Variants in CDH4 observed in about 807,000 individuals in gnomAD.
CDH4 encodes the protein cadherin 4, also known as cadherin-4.
In CDH4, 33 loss-of-function variants were observed where a neutral mutation model predicts 86.0. The ratio of observed to expected loss-of-function variants is 0.38; its 90% CI spans 0.29 to 0.51. The LOEUF (loss-of-function observed/expected upper bound fraction) is 0.51, where lower values mean the gene tolerates loss of function less well. Among genes scored for constraint, CDH4 ranks in the 20% least tolerant of loss-of-function variants. The pLI is 0.86. For synonymous variants in CDH4, 555 were observed against 549.4 expected (o/e 1.01, Z -0.14); for missense variants, 1,114 against 1,307.4 (o/e 0.85, Z 2.28).
chr20:61,565,332 TGGTGGTAGTGGTCCTCTTGGTGATGG>T (rs1422482491), intron 2 of CDH4, among the ~76,000 whole-genome samples: 3 of 66,668 alleles, frequency 4.5e-5, no homozygotes, highest in Non-Finnish European at 7.2e-5. Context: ...CTCTTGGTGA[TGGTGGTAGTGGTCCTCTTGGTGATGG>T]GGTGATGGTG....
intron 7 of CDH4, among the ~76,000 whole-genome samples, chr20:61,880,525 C>T (rs1339108850): frequency 6.6e-6 from 1 of 152,180 alleles, no homozygotes; most frequent in Non-Finnish European, 1.5e-5. Flanking sequence ...AGAAGGTGGA[C>T]CCAGCCAAGG....
At chr20:61,268,552 G>C (rs74489260) in intron 2 of CDH4, among the ~76,000 whole-genome samples, 1 of 152,212 alleles carries the variant, frequency 6.6e-6, no homozygotes, top group Non-Finnish European at 1.5e-5. Flanking sequence ...CAAATCTCTT[G>C]TTGAAATGTG....
intron 2 of CDH4, among the ~76,000 whole-genome samples, chr20:61,259,859 A>G (rs1807911699): frequency 6.6e-6 from 1 of 152,192 alleles, no homozygotes; most frequent in African/African-American, 2.4e-5. Context: ...TCTTGATAAC[A>G]AGGAACAAAC....
chr20:61,931,630 T>C (rs1179308501), intron 13 of CDH4, among the ~76,000 whole-genome samples: 1 of 152,136 alleles, frequency 6.6e-6, no homozygotes, highest in African/African-American at 2.4e-5. Flanking sequence ...GAGGATGCAG[T>C]GGAGTGGTTT....
intron 2 of CDH4, among the ~76,000 whole-genome samples, chr20:61,701,910 A>T (rs2087780593): frequency 6.6e-6 from 1 of 152,222 alleles, no homozygotes. Flanking sequence ...TCACAGAAGC[A>T]TGGGTGTGAC....
At chr20:61,864,532 G>A (rs368615336) in intron 6 of CDH4, among the ~76,000 whole-genome samples, 39 of 152,310 alleles carry the variant, frequency 2.6e-4, no homozygotes, top group African/African-American at 9.1e-4. Flanking sequence ...CAGAGACCAC[G>A]TCTGCTGATC....
At chr20:61,452,442 A>G (rs1430176226) in intron 2 of CDH4, among the ~76,000 whole-genome samples, 1 of 151,992 alleles carries the variant, frequency 6.6e-6, no homozygotes, top group Non-Finnish European at 1.5e-5. Context: ...AAGCGTTCAG[A>G]CTCTGCAGAA....
At chr20:61,687,983 T>C (rs765591167) in intron 2 of CDH4, among the ~76,000 whole-genome samples, 8 of 152,090 alleles carry the variant, frequency 5.3e-5, no homozygotes, top group Non-Finnish European at 7.3e-5. Flanking sequence ...ACTTAGATAT[T>C]ATTATGACTT....
At chr20:61,414,271 G>A (rs1405939821) in intron 2 of CDH4, among the ~76,000 whole-genome samples, 1 of 152,272 alleles carries the variant, frequency 6.6e-6, no homozygotes, top group African/African-American at 2.4e-5. Flanking sequence ...TCTCACTGGA[G>A]TGGGCAGGGC....
At chr20:61,307,085 G>C (rs971101139) in intron 2 of CDH4, among the ~76,000 whole-genome samples, 1 of 149,804 alleles carries the variant, frequency 6.7e-6, no homozygotes, top group Non-Finnish European at 1.5e-5. Flanking sequence ...CCGAGAGACA[G>C]AGCAGCGGCT....
At chr20:61,911,278 C>T (rs1321164) in intron 9 of CDH4, among the ~76,000 whole-genome samples, 141,248 of 152,326 alleles carry the variant, frequency 0.93, 65,634 homozygotes, top group East Asian at 1. Context: ...CAGATATGTT[C>T]TTCTAGAAAA....
At chr20:61,900,312 C>T (rs1176991879) in intron 8 of CDH4, among the ~76,000 whole-genome samples, 4 of 151,494 alleles carry the variant, frequency 2.6e-5, no homozygotes, top group African/African-American at 4.8e-5. Context: ...CCCTTAATTA[C>T]GCTTGGGTGC....
intron 2 of CDH4, among the ~76,000 whole-genome samples, chr20:61,667,895 G>A (rs1263648251): frequency 6.6e-6 from 1 of 152,164 alleles, no homozygotes; most frequent in African/African-American, 2.4e-5. Flanking sequence ...CAAGGCGGAG[G>A]GACCCCACCA....
chr20:61,483,240 C>T (rs1246370347), intron 2 of CDH4, among the ~76,000 whole-genome samples: 2 of 152,240 alleles, frequency 1.3e-5, no homozygotes, highest in East Asian at 3.9e-4. Flanking sequence ...GGTTTAGCAC[C>T]TGGATCCAGC....
At chr20:61,284,599 A>G (rs542239402) in intron 2 of CDH4, among the ~76,000 whole-genome samples, 1 of 152,210 alleles carries the variant, frequency 6.6e-6, no homozygotes, top group Non-Finnish European at 1.5e-5. Flanking sequence ...TACTTATAAC[A>G]TATGCCTAGC....
chr20:61,660,026 G>A (rs186198050), intron 2 of CDH4, among the ~76,000 whole-genome samples: 20 of 151,248 alleles, frequency 1.3e-4, no homozygotes, highest in African/African-American at 3.9e-4. Context: ...CTGCTTTTCC[G>A]GCTGTGATAC....
intron 2 of CDH4, among the ~76,000 whole-genome samples, chr20:61,617,861 TGAG>T (rs1330513734): frequency 6.6e-6 from 1 of 152,156 alleles, no homozygotes; most frequent in Non-Finnish European, 1.5e-5. Context: ...TCCCACATGT[TGAG>T]GAGGGACCCG....
chr20:61,264,749 C>G (rs374284374), intron 2 of CDH4, among the ~76,000 whole-genome samples: 118 of 144,114 alleles, frequency 8.2e-4, no homozygotes, highest in Non-Finnish European at 9.7e-4. Flanking sequence ...TTCAGTCCTA[C>G]ACATACCCCA....
intron 2 of CDH4, among the ~76,000 whole-genome samples, chr20:61,567,064 G>T (rs998118274): frequency 6.6e-6 from 1 of 152,166 alleles, no homozygotes; most frequent in Non-Finnish European, 1.5e-5. Flanking sequence ...GCCCATATCC[G>T]TTAGCATGGG....
Sources: allele counts gnomAD v4.1 joint callset (sites outside exome capture counted in the v4.1 genomes callset), GRCh38; gene constraint gnomAD v4.1.1; transcripts MANE v1.5; gene names NCBI Gene and HGNC (gene_info 2026-07-23, HGNC 2026-07-21).